RPAP2: variants seen among roughly 807,000 people sequenced by gnomAD.
RPAP2 encodes putative RNA polymerase II subunit B1 CTD phosphatase RPAP2.
RPAP2 carries 52 observed loss-of-function variants against 73.1 expected under a neutral mutation model. The observed-to-expected ratio is 0.71, with a 90% confidence interval of 0.57 to 0.90. The LOEUF is 0.90. RPAP2 is among the 40% of genes least tolerant of loss of function. The pLI is 0.00. For missense variants in RPAP2, 598 were observed against 701.8 expected (o/e 0.85, Z 1.67); for synonymous variants, 225 against 242.1 (o/e 0.93, Z 0.65).
chr1:92,312,018 C>G (rs1322968973), intron 6 of RPAP2, among the ~76,000 whole-genome samples: 1 of 152,050 alleles, frequency 6.6e-6, no homozygotes, highest in African/African-American at 2.4e-5. Flanking sequence ...ATAAGACAAC[C>G]CCAGGTTTGC....
At chr1:92,299,664 C>G (rs1650655766) in intron 1 of RPAP2, among the ~76,000 whole-genome samples, 1 of 152,100 alleles carries the variant, frequency 6.6e-6, no homozygotes, top group Non-Finnish European at 1.5e-5. Context: ...AATTCAATCC[C>G]CAAAGAGATA....
intron 11 of RPAP2, among the ~76,000 whole-genome samples, chr1:92,347,969 G>C (rs1160501242): frequency 6.6e-6 from 1 of 152,012 alleles, no homozygotes; most frequent in African/African-American, 2.4e-5. Flanking sequence ...GAGTGCAATG[G>C]CACAATCTCG....
intron 11 of RPAP2, among the ~76,000 whole-genome samples, chr1:92,378,056 T>C (rs1655464353): frequency 6.6e-6 from 1 of 152,220 alleles, no homozygotes. Flanking sequence ...TTTGGACATT[T>C]GGGTTAAGTA....
chr1:92,334,290 G>T (rs556652666), intron 9 of RPAP2, among the ~76,000 whole-genome samples: 126 of 152,188 alleles, frequency 8.3e-4, no homozygotes, highest in Non-Finnish European at 1.6e-3. Context: ...AAGCTGTTGG[G>T]TTTTTTTCTC....
At chr1:92,302,710 T>C (rs1402705521) in intron 3 of RPAP2, among the ~76,000 whole-genome samples, 1 of 146,694 alleles carries the variant, frequency 6.8e-6, no homozygotes, top group East Asian at 2.0e-4. Flanking sequence ...CACGCCATTC[T>C]CCTGCCTCAG....
In RPAP2 at chr1:92,323,663, T is replaced by G. The variant is rs768233247; in HGVS notation, c.743T>G (p.Met248Arg). ...CCACAGCTGCACCAAAAAAGCATAA[T>G]GAAAAAGAAAGCTGGTCACAAAGCT... ...IRPQLHQKSIMKKKAGHKANS... is the reference protein window; with the variant it reads ...IRPQLHQKSIRKKKAGHKANS... The change falls in exon 8 of 13, where the codon ATG becomes AGG. Residue 248 changes from methionine to arginine, a missense_variant. Coordinates refer to ENST00000610020, the MANE Select transcript of RPAP2 (RefSeq NM_024813.3). 4 of 1,613,324 alleles carry G rather than the reference T, an allele frequency of 2.5e-6. No homozygotes were observed. The East Asian group carries it at 8.9e-5, about 36-fold the overall frequency.
At chr1:92,365,436 G>A (rs1420247699) in intron 11 of RPAP2, among the ~76,000 whole-genome samples, 2 of 152,146 alleles carry the variant, frequency 1.3e-5, no homozygotes, top group Admixed American at 6.5e-5. Context: ...TGATTCATTG[G>A]TCTTGGGTGG....
At chr1:92,386,917 T>C (rs1404101794) in intron 12 of RPAP2, 94 bp from the exon 13 acceptor site, 7 of 976,132 alleles carry the variant, frequency 7.2e-6, no homozygotes, top group Non-Finnish European at 1.0e-5. Context: ...TTCACCATGC[T>C]GGCCAGGTTG....
intron 9 of RPAP2, 147 bp downstream of exon 9, chr1:92,333,620 T>C (rs1025458144): frequency 4.6e-6 from 3 of 651,462 alleles, no homozygotes; most frequent in African/African-American, 3.7e-5. Context: ...CTTAAGAAAT[T>C]TGGATTTTTA....
intron 10 of RPAP2, among the ~76,000 whole-genome samples, chr1:92,337,347 A>G (rs1653337240): frequency 2.0e-5 from 3 of 152,142 alleles, no homozygotes; most frequent in Admixed American, 6.5e-5. Context: ...CACCTAATAG[A>G]CATCATTTTA....
At chr1:92,303,429 G>A in intron 3 of RPAP2, among the ~76,000 whole-genome samples, 1 of 152,114 alleles carries the variant, frequency 6.6e-6, no homozygotes, top group African/African-American at 2.4e-5. Flanking sequence ...GATGTCAAAG[G>A]AAAATATTTG....
chr1:92,318,562 G>A (rs1171019628), intron 6 of RPAP2, among the ~76,000 whole-genome samples: 2 of 152,112 alleles, frequency 1.3e-5, no homozygotes, highest in Middle Eastern at 3.4e-3. Flanking sequence ...AACCATAGTA[G>A]ATAGTTTAAC....
At chr1:92,321,523 T>G (rs1470054506) in intron 7 of RPAP2, among the ~76,000 whole-genome samples, 1 of 152,094 alleles carries the variant, frequency 6.6e-6, no homozygotes, top group East Asian at 1.9e-4. Flanking sequence ...ACCCAGAGTC[T>G]TTTTCATCCT....
At chr1:92,343,480 T>G (rs1187695265) in intron 10 of RPAP2, among the ~76,000 whole-genome samples, 4 of 152,244 alleles carry the variant, frequency 2.6e-5, no homozygotes, top group African/African-American at 9.6e-5. Flanking sequence ...TCCTATCATC[T>G]AGGCTTTTTT....
At chr1:92,333,294 A>G in intron 8 of RPAP2, 97 bp from the exon 9 acceptor site, 2 of 930,658 alleles carry the variant, frequency 2.1e-6, no homozygotes, top group Non-Finnish European at 3.4e-6. Context: ...TGTGCCACAG[A>G]TACAAACTTT....
At chr1:92,324,564 C>T (rs766965259) in intron 8 of RPAP2, among the ~76,000 whole-genome samples, 189 bp downstream of exon 8, 2 of 152,186 alleles carry the variant, frequency 1.3e-5, no homozygotes, top group African/African-American at 2.4e-5. Context: ...AATAAGTTGA[C>T]GTTTACCCCT....
chr1:92,320,897 C>G (rs191943499), intron 7 of RPAP2, among the ~76,000 whole-genome samples: 3 of 152,214 alleles, frequency 2.0e-5, no homozygotes, highest in Non-Finnish European at 2.9e-5. Context: ...GACATAAACA[C>G]AGCCTCCATC....
intron 11 of RPAP2, among the ~76,000 whole-genome samples, chr1:92,370,701 C>T (rs1358867678): frequency 6.6e-6 from 1 of 151,436 alleles, no homozygotes; most frequent in Non-Finnish European, 1.5e-5. Context: ...TTTGGTGAGA[C>T]TTTAAAAAAA....
chr1:92,331,913 A>T (rs1652993878), intron 8 of RPAP2, among the ~76,000 whole-genome samples: 1 of 152,112 alleles, frequency 6.6e-6, no homozygotes, highest in Non-Finnish European at 1.5e-5. Context: ...ATTTTAGATG[A>T]GCAGTTATTT....
Sources: gnomAD v4.1 joint callset for allele counts (sites outside exome capture counted in the v4.1 genomes callset) on GRCh38, gnomAD v4.1.1 for gene constraint, MANE v1.5 for transcripts, NCBI Gene and HGNC (gene_info 2026-07-23, HGNC 2026-07-21) for gene names.